The following EPHB1 variants were observed in gnomAD, a reference collection of about 807,000 sequenced individuals.
EPHB1 encodes the protein ephrin type-B receptor 1.
A neutral mutation model predicts 94.4 loss-of-function variants in EPHB1; 30 were observed. The observed-to-expected ratio is 0.32, with a 90% CI of 0.24 to 0.43. The LOEUF (loss-of-function observed/expected upper bound fraction) is 0.43, where lower values mean the gene tolerates loss of function less well. Ranked by LOEUF, EPHB1 falls within the 20% of genes least tolerant of loss-of-function variation. EPHB1 has a pLI of 1.00. For missense variants in EPHB1, 1,055 were observed against 1,308.3 expected, an observed-to-expected ratio of 0.81 and a Z score of 2.99; for synonymous variants, 522 against 489.1, an observed-to-expected ratio of 1.07 and a Z score of -0.89.
rs114496830 is a variant in EPHB1, at chr3:134,810,679, T to A, written c.58+14990T>A. Among the ~76,000 whole-genome samples the A allele has an allele frequency of 7.1e-3, 1,075 of 152,318 alleles. 17 individuals are homozygous for A. Among genetic ancestry groups the A allele is most frequent in the African/African-American group, 0.025 (1,021 of 41,560 alleles). ...GACTCAGCTATAGCACTTACTAATT[T>A]AGAAGTTGTCTTCATTACTTACACC... On this transcript the variant is annotated intron_variant, in intron 1 of 15. Coordinates refer to ENST00000398015, the MANE Select transcript of EPHB1 (RefSeq NM_004441.5).
At chr3:134,952,131 T>A (rs1334146773) in intron 3 of EPHB1, 79 bp downstream of exon 3, 3 of 1,440,658 alleles carry the variant, frequency 2.1e-6, no homozygotes, top group Non-Finnish European at 2.8e-6. Flanking sequence ...TAATTCTGGG[T>A]CATACAGGAA....
intron 3 of EPHB1, among the ~76,000 whole-genome samples, chr3:134,972,430 A>C (rs1489700014): frequency 6.9e-6 from 1 of 145,668 alleles, no homozygotes; most frequent in Non-Finnish European, 1.5e-5. Flanking sequence ...CATATAAAAG[A>C]GGTAATATAT....
intron 12 of EPHB1, among the ~76,000 whole-genome samples, chr3:135,218,617 G>A (rs988308911): frequency 2.0e-5 from 3 of 152,190 alleles, no homozygotes; most frequent in Admixed American, 2.0e-4. Context: ...CATGTGGGAG[G>A]GGCCAGCCAC....
intron 2 of EPHB1, among the ~76,000 whole-genome samples, chr3:134,934,944 C>T (rs1560304082): frequency 6.6e-6 from 1 of 152,182 alleles, no homozygotes; most frequent in Admixed American, 6.5e-5. Context: ...ATGCTTAACC[C>T]TTGTTGGCCC....
chr3:134,928,969 G>T (rs1402191734), intron 2 of EPHB1, among the ~76,000 whole-genome samples: 1 of 152,120 alleles, frequency 6.6e-6, no homozygotes, highest in Non-Finnish European at 1.5e-5. Flanking sequence ...TTAGCTGCAA[G>T]AACCCTATGG....
intron 3 of EPHB1, among the ~76,000 whole-genome samples, chr3:135,046,703 T>G (rs1315375832): frequency 4.6e-5 from 7 of 152,346 alleles, no homozygotes; most frequent in South Asian, 4.1e-4. Flanking sequence ...GCAATCTGTG[T>G]CTTAACAAGC....
intron 1 of EPHB1, among the ~76,000 whole-genome samples, chr3:134,883,265 C>G (rs1560280986): frequency 1.3e-5 from 2 of 152,220 alleles, no homozygotes; most frequent in African/African-American, 4.8e-5. Context: ...CATATCCAAA[C>G]ATAACATGAA....
intron 12 of EPHB1, among the ~76,000 whole-genome samples, chr3:135,213,737 C>G (rs561798602): frequency 1.3e-5 from 2 of 152,208 alleles, no homozygotes; most frequent in Non-Finnish European, 2.9e-5. Flanking sequence ...GGCTTTCTTT[C>G]TCTTCTGATC....
At chr3:134,949,001 G>C (rs923573102) in intron 2 of EPHB1, among the ~76,000 whole-genome samples, 2 of 152,208 alleles carry the variant, frequency 1.3e-5, no homozygotes, top group Non-Finnish European at 2.9e-5. Flanking sequence ...TGTGAGTTTG[G>C]GGATGTTAGT....
intron 4 of EPHB1, among the ~76,000 whole-genome samples, chr3:135,110,722 T>A (rs940302136): frequency 6.6e-6 from 1 of 152,214 alleles, no homozygotes; most frequent in African/African-American, 2.4e-5. Flanking sequence ...CACTCATGAA[T>A]CTACCTTGCT....
chr3:135,139,163 A>G (rs1384730313), intron 5 of EPHB1, among the ~76,000 whole-genome samples: 1 of 152,206 alleles, frequency 6.6e-6, no homozygotes, highest in Non-Finnish European at 1.5e-5. Flanking sequence ...GGGAGTGGTG[A>G]TGAGAATGTG....
At position 134,868,947 on chromosome 3, in the gene EPHB1, G is replaced by C. The variant is rs140393986; in HGVS notation, c.59-56869G>C. On this transcript the variant is annotated intron_variant, in intron 1 of 15. Coordinates refer to ENST00000398015, the MANE Select transcript of EPHB1 (RefSeq NM_004441.5). ...TTGAGGTTCTAGGCCTGCAGGGCCT[G>C]ATAAGCTCTTACCTGAGACAAGAGT... Among the ~76,000 whole-genome samples the C allele has an allele frequency of 1.5e-3, 228 of 152,374 alleles. 2 individuals are homozygous for C. The highest frequency in any genetic ancestry group is 1.8e-3 in the African/African-American group (76 of 41,592).
At chr3:135,070,606 C>T (rs1182175110) in intron 3 of EPHB1, among the ~76,000 whole-genome samples, 1 of 152,000 alleles carries the variant, frequency 6.6e-6, no homozygotes, top group Non-Finnish European at 1.5e-5. Flanking sequence ...CAGTTCAGGG[C>T]ATTTGCTTAT....
At chr3:134,865,706 A>G (rs1051697115) in intron 1 of EPHB1, among the ~76,000 whole-genome samples, 1 of 151,950 alleles carries the variant, frequency 6.6e-6, no homozygotes, top group Non-Finnish European at 1.5e-5. Flanking sequence ...ACCTGACTGG[A>G]AAGATTGCCA....
intron 2 of EPHB1, among the ~76,000 whole-genome samples, chr3:134,934,605 A>G (rs966040258): frequency 3.3e-5 from 5 of 152,138 alleles, no homozygotes; most frequent in Admixed American, 1.3e-4. Context: ...ATAGAATGCC[A>G]CAGATGACCC....
intron 3 of EPHB1, among the ~76,000 whole-genome samples, chr3:135,033,663 A>G (rs1936557316): frequency 6.6e-6 from 1 of 152,240 alleles, no homozygotes; most frequent in South Asian, 2.1e-4. Flanking sequence ...GGAAGATGGG[A>G]GATAACTAGA....
chr3:135,076,704 A>G (rs1298741788), intron 3 of EPHB1, among the ~76,000 whole-genome samples: 1 of 152,222 alleles, frequency 6.6e-6, no homozygotes, highest in African/African-American at 2.4e-5. Context: ...ATGTTTATCA[A>G]CTGGTGAATG....
intron 1 of EPHB1, among the ~76,000 whole-genome samples, chr3:134,844,925 G>A (rs1199100683): frequency 6.6e-6 from 1 of 152,146 alleles, no homozygotes; most frequent in Non-Finnish European, 1.5e-5. Context: ...TGGAGTCCCT[G>A]GAGAGCCTGA....
intron 13 of EPHB1, among the ~76,000 whole-genome samples, chr3:135,246,035 G>T (rs993585478): frequency 5.3e-5 from 8 of 152,282 alleles, no homozygotes; most frequent in African/African-American, 1.9e-4. Flanking sequence ...GCTCCTTCTT[G>T]TTCCAGGACA....
Sources: allele counts gnomAD v4.1 joint callset (sites outside exome capture counted in the v4.1 genomes callset), GRCh38; gene constraint gnomAD v4.1.1; transcripts MANE v1.5; gene names NCBI Gene and HGNC (gene_info 2026-07-23, HGNC 2026-07-21).